SULF2: variants seen among roughly 807,000 people sequenced by gnomAD.
The protein encoded by SULF2 is sulfatase 2, also known as extracellular sulfatase Sulf-2.
A neutral mutation model predicts 107.7 loss-of-function variants in SULF2; 52 were observed. That is an observed-to-expected ratio of 0.48 (90% CI 0.39 to 0.61). SULF2 has a LOEUF of 0.61. SULF2 is among the 20% of genes least tolerant of loss of function. SULF2 has a pLI of 0.00. For missense variants in SULF2, 993 were observed against 1,177.3 expected (o/e 0.84, Z 2.29); for synonymous variants, 460 against 464.3 (o/e 0.99, Z 0.12).
intron 4 of SULF2, among the ~76,000 whole-genome samples, chr20:47,698,808 G>C (rs1373019737): frequency 2.6e-5 from 4 of 152,072 alleles, no homozygotes; most frequent in Admixed American, 2.0e-4. Flanking sequence ...GAGGTGGGTG[G>C]ATCACCTGAG....
chr20:47,747,116 A>G (rs763638328), intron 2 of SULF2, among the ~76,000 whole-genome samples: 1 of 151,808 alleles, frequency 6.6e-6, no homozygotes, highest in Non-Finnish European at 1.5e-5. Flanking sequence ...CTGTAACTCA[A>G]TCCAGAATAA....
chr20:47,740,836 T>C (rs754098965), intron 2 of SULF2, among the ~76,000 whole-genome samples: 7 of 152,126 alleles, frequency 4.6e-5, no homozygotes, highest in Non-Finnish European at 1.0e-4. Context: ...GTCATTCGGC[T>C]GTCGATTAGA....
At chr20:47,714,247 G>A (rs991936604) in intron 3 of SULF2, among the ~76,000 whole-genome samples, 44 of 152,298 alleles carry the variant, frequency 2.9e-4, no homozygotes, top group Middle Eastern at 3.4e-3. Context: ...CCGTTTTTAT[G>A]TATCATTTGG....
intron 4 of SULF2, among the ~76,000 whole-genome samples, chr20:47,701,488 G>A (rs2088567222): frequency 6.6e-6 from 1 of 152,208 alleles, no homozygotes; most frequent in Admixed American, 6.5e-5. Flanking sequence ...CTACGACTGA[G>A]GATCAACCAC....
At chr20:47,745,086 T>G (rs1013715868) in intron 2 of SULF2, among the ~76,000 whole-genome samples, 2 of 152,094 alleles carry the variant, frequency 1.3e-5, no homozygotes, top group Admixed American at 6.5e-5. Context: ...CGTAAATCAC[T>G]GACTTTGAGC....
chr20:47,760,652 G>A (rs547556787), intron 1 of SULF2, among the ~76,000 whole-genome samples: 1 of 152,104 alleles, frequency 6.6e-6, no homozygotes, highest in Non-Finnish European at 1.5e-5. Flanking sequence ...TGTCAGGCTG[G>A]CCAGGACAGC....
chr20:47,753,120 G>GAA, intron 2 of SULF2, among the ~76,000 whole-genome samples: 1 of 118,096 alleles, frequency 8.5e-6, no homozygotes, highest in South Asian at 2.8e-4. Context: ...AAAAAAAAAA[G>GAA]AAAGAAAAGA....
chr20:47,693,293 G>T (rs1180168597), intron 4 of SULF2, among the ~76,000 whole-genome samples: 2 of 152,140 alleles, frequency 1.3e-5, no homozygotes, highest in African/African-American at 4.8e-5. Flanking sequence ...GGCCTGAAGG[G>T]GTCAAGTCAG....
At position 47,741,346 on chromosome 20, in the gene SULF2, T is replaced by C. The variant is rs139469867; in HGVS notation, c.176-4404A>G. On this transcript the variant is annotated intron_variant, in intron 2 of 20. Transcript: ENST00000688720. ...TCCCATCCCAGAACCTGTGCCCTGC[T>C]GTTCCTTCTGCCTGGAAGACCTCTC... is the stretch of plus-strand genomic sequence containing the variant. Among the ~76,000 whole-genome samples the C allele has an allele frequency of 6.0e-5, 9 of 150,940 alleles. No individual in the cohort carries two copies. The East Asian group carries it at 1.8e-3, about 30-fold the overall frequency.
At chr20:47,756,799 T>A (rs190824210) in intron 2 of SULF2, among the ~76,000 whole-genome samples, 54 of 152,254 alleles carry the variant, frequency 3.5e-4, no homozygotes, top group Admixed American at 9.8e-4. Context: ...GTGTGCGCCA[T>A]CATGCCTGGC....
intron 1 of SULF2, among the ~76,000 whole-genome samples, chr20:47,782,373 T>C (rs779146952): frequency 9.2e-5 from 14 of 152,242 alleles, no homozygotes; most frequent in Non-Finnish European, 2.1e-4. Flanking sequence ...GCCCTCCCAA[T>C]TAGACAGTGC....
At chr20:47,744,974 T>C (rs2089973384) in intron 2 of SULF2, among the ~76,000 whole-genome samples, 3 of 152,080 alleles carry the variant, frequency 2.0e-5, no homozygotes, top group South Asian at 2.1e-4. Context: ...GATGCACATA[T>C]ACACTTCAGT....
At chr20:47,724,836 A>G (rs2089394781) in intron 3 of SULF2, among the ~76,000 whole-genome samples, 1 of 152,198 alleles carries the variant, frequency 6.6e-6, no homozygotes, top group Admixed American at 6.5e-5. Context: ...AGCTGTTCTC[A>G]GCGCCATCAG....
At position 47,683,146 on chromosome 20, in the gene SULF2, C is replaced by T. The variant is rs770587286; in HGVS notation, c.912G>A (p.Thr304=). The part of the protein sequence containing the change: ...METIYNMLVE[T]GELDNTYIVY... ...CGATGTACGTGTTGTCCAGCTCGCC[C>T]GTCTCAACCAGCATGTTGTAAATCT... Residue 304 remains threonine (T), a synonymous_variant, in exon 7 of 21, where the codon ACG becomes ACA. Coordinates refer to ENST00000688720, the MANE Select transcript of SULF2 (RefSeq NM_001387048.1). 40 of 1,605,306 alleles carry T rather than the reference C, an allele frequency of 2.5e-5. No individual in the cohort carries two copies. Among genetic ancestry groups the T allele is most frequent in the East Asian group, 8.9e-5 (4 of 44,714 alleles).
intron 3 of SULF2, among the ~76,000 whole-genome samples, chr20:47,728,970 G>C (rs2089522623): frequency 1.3e-5 from 2 of 152,204 alleles, no homozygotes; most frequent in African/African-American, 2.4e-5. Flanking sequence ...TTAGAAACGA[G>C]ACAATCAATG....
rs1186797023 is a variant in SULF2, at chr20:47,678,213, G to C, written c.1193+463C>G. ...ATCTGAATTCCCAGAGCTACATCCA[G>C]ACTTGCTGGGATACCTCCGACACGT... On this transcript the variant is annotated intron_variant, in intron 8 of 20. Coordinates refer to ENST00000688720, the MANE Select transcript of SULF2 (RefSeq NM_001387048.1). This position sits in a 1 kb window ranked among gnomAD's most constrained non-coding sequence, Gnocchi z 4.5. The C allele has an allele frequency of 1.9e-5, 3 of 157,226 alleles. No homozygotes were observed. Among genetic ancestry groups the C allele is most frequent in the Admixed American group, 1.9e-4 (3 of 15,878 alleles). 9.7% of individuals were successfully genotyped at this position (157,226 alleles called of 1,614,324 possible). A position where few individuals can be genotyped will look rare whatever the true frequency, so the allele number is the denominator to read the frequency against.
intron 3 of SULF2, among the ~76,000 whole-genome samples, chr20:47,705,718 C>T (rs1013161300): frequency 4.6e-5 from 7 of 152,060 alleles, no homozygotes; most frequent in South Asian, 2.1e-4. Context: ...TATTCGCCGA[C>T]GCACGTGACA....
chr20:47,745,367 T>C (rs1326948484), intron 2 of SULF2, among the ~76,000 whole-genome samples: 2 of 120,396 alleles, frequency 1.7e-5, no homozygotes, highest in African/African-American at 6.5e-5. Context: ...CTCAGGGTTG[T>C]TCTGAGTTTT....
At chr20:47,713,106 C>T (rs775322682) in intron 3 of SULF2, among the ~76,000 whole-genome samples, 2 of 152,152 alleles carry the variant, frequency 1.3e-5, no homozygotes, top group Non-Finnish European at 2.9e-5. Context: ...CAGCACAGTG[C>T]TACATGCTGA....
Sources: gnomAD v4.1 joint callset for allele counts (sites outside exome capture counted in the v4.1 genomes callset) on GRCh38, gnomAD v4.1.1 for gene constraint, Gnocchi (gnomAD v3.1) non-coding constraint, MANE v1.5 for transcripts, NCBI Gene and HGNC (gene_info 2026-07-23, HGNC 2026-07-21) for gene names.